DTNB: variants seen among roughly 807,000 people sequenced by gnomAD.
DTNB encodes the protein DTN-B.
A neutral mutation model predicts 90.7 loss-of-function variants in DTNB; 63 were observed. That is an observed-to-expected ratio of 0.69 (90% CI 0.57 to 0.86). DTNB has a LOEUF of 0.86. DTNB is among the 40% of genes least tolerant of loss of function. DTNB has a pLI of 0.00. For synonymous variants in DTNB, 277 were observed against 286.7 expected (o/e 0.97, Z 0.34); for missense variants, 744 against 807.1 (o/e 0.92, Z 0.95).
chr2:25,565,234 T>C (rs1182301650), intron 8 of DTNB, among the ~76,000 whole-genome samples: 1 of 152,110 alleles, frequency 6.6e-6, no homozygotes, highest in African/African-American at 2.4e-5. Context: ...TGATGTTAAC[T>C]GTGGGTTTTT....
rs1184692804 is a variant in DTNB at position 25,509,017 on chromosome 2, C to T, written c.1001+22456G>A. ...CTGATTTTTTTAAAGTGATCTATGT[C>T]CTGCAATACTGCTAACTTTGTTAGT... On this transcript the variant is annotated intron_variant, in intron 9 of 20. Transcript: ENST00000406818. Among the ~76,000 whole-genome samples, 5 of 152,140 alleles carry T rather than the reference C, an allele frequency of 3.3e-5. No homozygotes were observed. The East Asian group carries it at 9.6e-4, about 29-fold the overall frequency.
chr2:25,443,185 A>G (rs1224382704), intron 12 of DTNB, among the ~76,000 whole-genome samples: 3 of 152,236 alleles, frequency 2.0e-5, no homozygotes, highest in East Asian at 3.8e-4. Context: ...TCAGAGGATC[A>G]TATTATAAAA....
chr2:25,641,338 A>G (rs1329627323), intron 2 of DTNB, among the ~76,000 whole-genome samples: 2 of 152,226 alleles, frequency 1.3e-5, no homozygotes, highest in Admixed American at 1.3e-4. Flanking sequence ...TTGTGCCAAC[A>G]TTCTACTAAT....
chr2:25,412,374 C>T (rs2046829541), intron 16 of DTNB, among the ~76,000 whole-genome samples: 1 of 152,140 alleles, frequency 6.6e-6, no homozygotes, highest in African/African-American at 2.4e-5. Context: ...GGAAAGGTCC[C>T]AAGTGTGGCA....
In DTNB at chr2:25,386,568, G is replaced by A. The variant is rs936316508; in HGVS notation, c.1825+721C>T. Among the ~76,000 whole-genome samples, 18 of 152,168 alleles carry A rather than the reference G, an allele frequency of 1.2e-4. No homozygotes were observed. In the South Asian group the frequency reaches 1.2e-3, roughly 11 times the overall value. On this transcript the variant is annotated intron_variant, in intron 18 of 20. Coordinates refer to ENST00000406818, the MANE Select transcript of DTNB (RefSeq NM_021907.5). ...TCGTTAGTGACTCTCTGGCCCCTAC[G>A]TAACTGGTAGAGTCATGGGGATTCC...
At chr2:25,476,320 C>T (rs950735035) in intron 10 of DTNB, among the ~76,000 whole-genome samples, 11 of 152,242 alleles carry the variant, frequency 7.2e-5, no homozygotes, top group African/African-American at 2.2e-4. Context: ...CCACCTGCCT[C>T]GGCCTCCCAA....
intron 1 of DTNB, among the ~76,000 whole-genome samples, chr2:25,653,743 C>G (rs1335255380): frequency 1.3e-5 from 2 of 152,022 alleles, no homozygotes; most frequent in Non-Finnish European, 2.9e-5. Flanking sequence ...AACTCCCAGT[C>G]TCAAGTGATC....
intron 10 of DTNB, among the ~76,000 whole-genome samples, chr2:25,459,959 G>A (rs2060678044): frequency 6.6e-6 from 1 of 152,076 alleles, no homozygotes; most frequent in African/African-American, 2.4e-5. Flanking sequence ...AAAATTAAAA[G>A]ATATTTCCTC....
At chr2:25,530,360 C>G (rs979816271) in intron 9 of DTNB, among the ~76,000 whole-genome samples, 1 of 152,092 alleles carries the variant, frequency 6.6e-6, no homozygotes, top group Non-Finnish European at 1.5e-5. Context: ...TCACTTGAAC[C>G]TGGGAGGTGG....
chr2:25,542,345 T>C (rs982364287), intron 8 of DTNB, among the ~76,000 whole-genome samples: 1 of 152,350 alleles, frequency 6.6e-6, no homozygotes, highest in Admixed American at 6.5e-5. Flanking sequence ...ATTATAAGAA[T>C]ACACCCTTAA....
intron 8 of DTNB, among the ~76,000 whole-genome samples, chr2:25,550,559 C>G (rs1041565796): frequency 1.3e-5 from 2 of 152,150 alleles, no homozygotes; most frequent in African/African-American, 4.8e-5. Context: ...CACAATGATG[C>G]CTATTCTATT....
chr2:25,396,791 A>G (rs780218641), intron 16 of DTNB, among the ~76,000 whole-genome samples: 17 of 150,332 alleles, frequency 1.1e-4, no homozygotes, highest in Non-Finnish European at 2.2e-4. Flanking sequence ...ACCATTCTGC[A>G]GTATCATTAA....
At chr2:25,545,954 A>G (rs1288548930) in intron 8 of DTNB, among the ~76,000 whole-genome samples, 1 of 152,166 alleles carries the variant, frequency 6.6e-6, no homozygotes, top group Non-Finnish European at 1.5e-5. Flanking sequence ...CGAACCCTGA[A>G]AGAGTCAATC....
intron 2 of DTNB, among the ~76,000 whole-genome samples, chr2:25,642,483 C>G (rs2384254): frequency 0.16 from 24,484 of 151,344 alleles, 2,595 homozygotes; most frequent in East Asian, 0.59. Context: ...GGTGCAATCT[C>G]GGTTCACTGC....
At chr2:25,586,719 A>C (rs955054699) in intron 6 of DTNB, among the ~76,000 whole-genome samples, 1 of 151,996 alleles carries the variant, frequency 6.6e-6, no homozygotes, top group African/African-American at 2.4e-5. Context: ...AACATCAAAG[A>C]AGAAGGCATA....
intron 3 of DTNB, among the ~76,000 whole-genome samples, chr2:25,633,530 G>C (rs934059291): frequency 6.6e-6 from 1 of 152,066 alleles, no homozygotes; most frequent in African/African-American, 2.4e-5. Context: ...CCACCTCCCA[G>C]CCGCCTGCCT....
chr2:25,408,373 C>A (rs918437925), intron 16 of DTNB, among the ~76,000 whole-genome samples: 1 of 150,636 alleles, frequency 6.6e-6, no homozygotes, highest in African/African-American at 2.4e-5. Context: ...CTACCTCCCC[C>A]AAAAAACCAA....
chr2:25,641,747 T>G (rs1172319950), intron 2 of DTNB, among the ~76,000 whole-genome samples: 1 of 152,214 alleles, frequency 6.6e-6, no homozygotes. Flanking sequence ...TTTAGTGCAC[T>G]GCAAACACCT....
intron 4 of DTNB, among the ~76,000 whole-genome samples, chr2:25,608,828 TA>T (rs1185382804): frequency 1.3e-5 from 2 of 152,120 alleles, no homozygotes; most frequent in African/African-American, 4.8e-5. Flanking sequence ...GAAACTAGGA[TA>T]GGGGCACATA....
Sources: allele counts gnomAD v4.1 joint callset (sites outside exome capture counted in the v4.1 genomes callset), GRCh38; gene constraint gnomAD v4.1.1; transcripts MANE v1.5; gene names NCBI Gene and HGNC (gene_info 2026-07-23, HGNC 2026-07-21).